C19orf18: variants seen among roughly 807,000 people sequenced by gnomAD.
C19orf18 encodes chromosome 19 open reading frame 18.
In C19orf18, 21 loss-of-function variants were observed where a neutral mutation model predicts 23.3. That is an observed-to-expected ratio of 0.90 (90% CI 0.64 to 1.30). The LOEUF (loss-of-function observed/expected upper bound fraction) is 1.30. Among genes scored for constraint, C19orf18 ranks in the 50% most tolerant of loss-of-function variants. The pLI is 0.00. For synonymous variants in C19orf18, 96 were observed against 95.2 expected (o/e 1.01, Z -0.05); for missense variants, 249 against 259.6 (o/e 0.96, Z 0.28).
intron 3 of C19orf18, among the ~76,000 whole-genome samples, chr19:57,969,566 G>GAAAAAAAATAAAAAAAAAAA (rs2072930172): frequency 2.2e-5 from 1 of 46,498 alleles, no homozygotes; most frequent in Non-Finnish European, 3.5e-5. Context: ...AAAAAAAACA[G>GAAAAAAAATAAAAAAAAAAA]AAAAAAAAAA....
chr19:57,973,289 T>C (rs2072959650), intron 2 of C19orf18, among the ~76,000 whole-genome samples: 1 of 149,478 alleles, frequency 6.7e-6, no homozygotes, highest in Non-Finnish European at 1.5e-5. Context: ...TTCCCTTGCA[T>C]GGAATGGAGA....
intron 3 of C19orf18, among the ~76,000 whole-genome samples, chr19:57,970,453 G>A (rs1019351351): frequency 2.0e-5 from 3 of 152,142 alleles, no homozygotes; most frequent in Non-Finnish European, 4.4e-5. Context: ...TCAGTGTCTC[G>A]TGGGTGGACA....
At chr19:57,970,597 T>G (rs186874473) in intron 3 of C19orf18, among the ~76,000 whole-genome samples, 29 of 152,292 alleles carry the variant, frequency 1.9e-4, no homozygotes, top group Middle Eastern at 3.4e-3. Flanking sequence ...TTTTTTTTTT[T>G]TTGTTACAGA....
chr19:57,961,968 TTC>T (rs753422005), intron 4 of C19orf18, among the ~76,000 whole-genome samples: 5 of 150,076 alleles, frequency 3.3e-5, no homozygotes, highest in African/African-American at 4.9e-5. Flanking sequence ...TTCTTTCCCT[TTC>T]TCTCTCTCTC....
intron 5 of C19orf18, among the ~76,000 whole-genome samples, chr19:57,959,587 T>G (rs1283989801): frequency 6.6e-6 from 1 of 151,702 alleles, no homozygotes. Flanking sequence ...ATCACACCAC[T>G]GCACTCCAGC....
At position 57,961,550 on chromosome 19, in the gene C19orf18, G is replaced by A. The variant is rs777382799; in HGVS notation, c.373C>T (p.Arg125Ter). The A allele has an allele frequency of 1.4e-5, 23 of 1,608,860 alleles. No individual in the cohort carries two copies. Among genetic ancestry groups the A allele is most frequent in the Admixed American group, 1.7e-5 (1 of 57,918 alleles). The stretch of plus-strand genomic sequence containing the variant: ...TGTCTTTCCTCAGCCTGTGCCAGTC[G>A]ACTGGAGAATGATATAAATGAATTT... Reference protein sequence around the residue: ...CGMAISYMIYRLAQAEERQQL... With the variant: ...CGMAISYMIY Residue 125 changes from arginine to a stop codon, truncating the protein, a stop_gained and splice_region_variant, in exon 5 of 6, where the codon CGA becomes TGA. Transcript: ENST00000314391. LOFTEE classifies it high-confidence loss of function.
chr19:57,972,550 G>A (rs761691057), intron 2 of C19orf18, 46 bp from the exon 3 acceptor site: 8 of 1,596,958 alleles, frequency 5.0e-6, no homozygotes, highest in African/African-American at 2.7e-5. Context: ...CTTTAAGATG[G>A]TTTAAGATGA....
At chr19:57,961,886 C>CTG (rs2072874873) in intron 4 of C19orf18, among the ~76,000 whole-genome samples, 1 of 149,634 alleles carries the variant, frequency 6.7e-6, no homozygotes, top group South Asian at 2.1e-4. Context: ...TTCTCTTTTT[C>CTG]TTTCTCTTTT....
At chr19:57,961,754 C>A (rs1372807700) in intron 4 of C19orf18, among the ~76,000 whole-genome samples, 1 of 152,132 alleles carries the variant, frequency 6.6e-6, no homozygotes, top group African/African-American at 2.4e-5. Context: ...CTCCGATCAT[C>A]CCAAAGCATG....
chr19:57,972,188 G>A (rs1276031805), intron 3 of C19orf18, among the ~76,000 whole-genome samples: 1 of 152,230 alleles, frequency 6.6e-6, no homozygotes, highest in African/African-American at 2.4e-5. Flanking sequence ...GCCGCTGTGT[G>A]TGCCCATGCA....
chr19:57,962,116 C>A (rs257670), intron 4 of C19orf18, among the ~76,000 whole-genome samples: 91,893 of 151,550 alleles, frequency 0.61, 29,535 homozygotes, highest in African/African-American at 0.83. Flanking sequence ...CTGCAGCTGC[C>A]AACTCCTGGG....
intron 3 of C19orf18, among the ~76,000 whole-genome samples, chr19:57,966,943 TTG>T: frequency 6.6e-6 from 1 of 152,152 alleles, no homozygotes; most frequent in East Asian, 1.9e-4. Flanking sequence ...CCTAATTTTT[TTG>T]TGTTTTTGTA....
intron 4 of C19orf18, among the ~76,000 whole-genome samples, chr19:57,961,878 C>CT (rs1568565930): frequency 1.3e-5 from 2 of 151,682 alleles, no homozygotes; most frequent in South Asian, 4.1e-4. Flanking sequence ...CCTTTCTCTT[C>CT]TCTTTTTCTT....
At chr19:57,963,860 A>G (rs1456944526) in intron 4 of C19orf18, among the ~76,000 whole-genome samples, 1 of 152,190 alleles carries the variant, frequency 6.6e-6, no homozygotes, top group East Asian at 1.9e-4. Flanking sequence ...ACTGCACTCC[A>G]GCCTGGGCAA....
chr19:57,974,446 T>A lies in C19orf18; in HGVS notation c.-14A>T. The A allele has an allele frequency of 6.2e-7, 1 of 1,613,164 alleles. No homozygotes were observed. Among genetic ancestry groups the A allele is most frequent in the East Asian group, 2.2e-5 (1 of 44,878 alleles). ...AACCTTGTCCATCACTCTCAAATTA[T>A]CAGTATTTTATCCCGTAGATGAAAG... On this transcript the variant is annotated 5_prime_UTR_variant, in exon 1 of 6. Coordinates refer to ENST00000314391, the MANE Select transcript of C19orf18 (RefSeq NM_152474.5).
chr19:57,969,620 A>G (rs943892979), intron 3 of C19orf18, among the ~76,000 whole-genome samples: 1 of 137,542 alleles, frequency 7.3e-6, no homozygotes. Flanking sequence ...CAAAGTAAGC[A>G]CCTTGGCCAG....
chr19:57,973,924 G>C (rs2072964887), intron 2 of C19orf18, among the ~76,000 whole-genome samples, 175 bp downstream of exon 2: 2 of 152,086 alleles, frequency 1.3e-5, no homozygotes. Context: ...TAAAGAGAAA[G>C]CAGTTAACAG....
intron 2 of C19orf18, among the ~76,000 whole-genome samples, chr19:57,973,584 G>T (rs969415776): frequency 6.6e-6 from 1 of 152,052 alleles, no homozygotes; most frequent in Admixed American, 6.6e-5. Context: ...AATTAGCTTG[G>T]CGTGGTGGCG....
intron 5 of C19orf18, among the ~76,000 whole-genome samples, chr19:57,959,330 A>G (rs1465052371): frequency 6.6e-6 from 1 of 152,152 alleles, no homozygotes; most frequent in African/African-American, 2.4e-5. Context: ...TCTACTAAAA[A>G]TACAAAAACT....
Sources: gnomAD v4.1 joint callset for allele counts (sites outside exome capture counted in the v4.1 genomes callset) on GRCh38, gnomAD v4.1.1 for gene constraint, MANE v1.5 for transcripts, NCBI Gene and HGNC (gene_info 2026-07-23, HGNC 2026-07-21) for gene names.